CDC14A: variants seen among roughly 807,000 people sequenced by gnomAD.
CDC14A encodes the protein dual specificity protein phosphatase CDC14A.
A neutral mutation model predicts 74.4 loss-of-function variants in CDC14A; 53 were observed. That is an observed-to-expected ratio of 0.71 (90% CI 0.57 to 0.89). CDC14A has a LOEUF of 0.89. Ranked by LOEUF, CDC14A falls within the 40% of genes least tolerant of loss-of-function variation. CDC14A has a pLI of 0.00. For missense variants in CDC14A, 646 were observed against 713.7 expected (o/e 0.91, Z 1.08); for synonymous variants, 247 against 258.4 (o/e 0.96, Z 0.43).
chr1:100,390,899 C>T, intron 4 of CDC14A, 75 bp downstream of exon 4: 1 of 1,034,164 alleles, frequency 9.7e-7, no homozygotes, highest in Non-Finnish European at 1.5e-6. Context: ...AAATCCAAAC[C>T]AGTTTTTCAG....
upstream of CDC14A, among the ~76,000 whole-genome samples, chr1:100,349,641 C>A (rs965531920): frequency 1.3e-5 from 2 of 152,120 alleles, no homozygotes; most frequent in African/African-American, 4.8e-5. Flanking sequence ...TCCTTCCATG[C>A]AATTTTGTTG....
intron 7 of CDC14A, among the ~76,000 whole-genome samples, chr1:100,452,049 C>T (rs1056406782): frequency 1.3e-5 from 2 of 152,188 alleles, no homozygotes; most frequent in Admixed American, 1.3e-4. Flanking sequence ...CTAGAAAACA[C>T]ATCTGTTGAT....
At chr1:100,397,977 C>T (rs1194289890) in intron 4 of CDC14A, among the ~76,000 whole-genome samples, 1 of 152,216 alleles carries the variant, frequency 6.6e-6, no homozygotes, top group Non-Finnish European at 1.5e-5. Context: ...AAGCCATTCT[C>T]CATTTGGCTT....
At position 100,508,037 on chromosome 1, in the gene CDC14A, C is replaced by G. The variant is rs1649392272; in HGVS notation, c.1755+8775C>G. ...ATCTGTCCTCAATATATCTTACCTT[C>G]TGTTTTATATTTTTCAGTTCCTAAG... On this transcript the variant is annotated intron_variant, in intron 15 of 15. Coordinates refer to ENST00000336454, the MANE Select transcript of CDC14A (RefSeq NM_003672.4). The surrounding 1 kb of genome is among the most constrained non-coding windows in gnomAD (Gnocchi z 4.4). Among the ~76,000 whole-genome samples, 1 of 152,158 alleles carries G rather than the reference C, an allele frequency of 6.6e-6. No homozygotes were observed. The highest frequency in any genetic ancestry group is 1.5e-5 in the Non-Finnish European group (1 of 68,018).
At position 100,414,880 on chromosome 1, in the gene CDC14A, T is replaced by G. The variant is rs78438920; in HGVS notation, c.310-9342T>G. On this transcript the variant is annotated intron_variant, in intron 4 of 15. Coordinates refer to ENST00000336454, the MANE Select transcript of CDC14A (RefSeq NM_003672.4). Reference sequence around the variant, plus strand: ...TCCTTTCCCCCATTAACGTGTCCTTTTAGGTTTCTGTGTGTTAAGAACATT... The same window carrying G: ...TCCTTTCCCCCATTAACGTGTCCTTGTAGGTTTCTGTGTGTTAAGAACATT... 7.3e-3 allele frequency among the ~76,000 whole-genome samples: 1,108 copies of G among 152,286 alleles called. 12 individuals are homozygous for G. The highest frequency in any genetic ancestry group is 0.025 in the African/African-American group (1,058 of 41,558).
chr1:100,455,236 T>C (rs1666565164), intron 7 of CDC14A, among the ~76,000 whole-genome samples, 169 bp from the exon 8 acceptor site: 1 of 152,250 alleles, frequency 6.6e-6, no homozygotes, highest in African/African-American at 2.4e-5. Context: ...ATTGAATTCC[T>C]AAATAGCATT....
chr1:100,466,299 T>C lies in CDC14A; in HGVS notation c.839-1657T>C, dbSNP rs115028968. The stretch of plus-strand genomic sequence containing the variant: ...GAAGAACTCTGGAAACTCACTGGGC[T>C]CTGGCTTCTGCTCCAGGATGTCACC... On this transcript the variant is annotated intron_variant, in intron 9 of 15. Transcript: ENST00000336454. Among the ~76,000 whole-genome samples, 640 of 152,286 alleles carry C rather than the reference T, an allele frequency of 4.2e-3. 3 individuals carry two copies. Among genetic ancestry groups the C allele is most frequent in the African/African-American group, 0.014 (583 of 41,564 alleles).
chr1:100,457,529 G>A (rs2101192958), intron 8 of CDC14A, among the ~76,000 whole-genome samples: 1 of 152,128 alleles, frequency 6.6e-6, no homozygotes, highest in East Asian at 1.9e-4. Context: ...TGTGATCATA[G>A]CTCATTGCAA....
chr1:100,397,412 C>T (rs1658663025), intron 4 of CDC14A, among the ~76,000 whole-genome samples: 1 of 152,154 alleles, frequency 6.6e-6, no homozygotes, highest in African/African-American at 2.4e-5. Flanking sequence ...ATGTTTAGAT[C>T]ATTGTAGCAT....
intron 10 of CDC14A, among the ~76,000 whole-genome samples, chr1:100,474,703 T>C (rs1668723537): frequency 1.3e-5 from 2 of 151,624 alleles, no homozygotes; most frequent in African/African-American, 4.9e-5. Context: ...TATTTTTTTT[T>C]CCCTTTGTCA....
At chr1:100,470,304 A>G (rs1191220865) in intron 10 of CDC14A, among the ~76,000 whole-genome samples, 1 of 152,160 alleles carries the variant, frequency 6.6e-6, no homozygotes, top group Non-Finnish European at 1.5e-5. Flanking sequence ...TTCCTCATTC[A>G]GATAAAAATA....
At chr1:100,466,560 G>A (rs1667824662) in intron 9 of CDC14A, among the ~76,000 whole-genome samples, 1 of 152,030 alleles carries the variant, frequency 6.6e-6, no homozygotes, top group Non-Finnish European at 1.5e-5. Context: ...ATGAAACAGA[G>A]TATGAATACT....
Position 100,518,515 on chromosome 1 carries a change from G to A in CDC14A, c.*235G>A. 2.4e-6 allele frequency: 1 copy of A among 424,458 alleles called. No homozygotes were observed. The highest frequency in any genetic ancestry group is 4.2e-6 in the Non-Finnish European group (1 of 235,368). The allele number at this position is 424,458 out of a possible 1,614,324, so 26.3% of individuals were successfully genotyped here. ...GGAGATTTCCATACTTTTAAAGACA[G>A]TTTTAATGTTGAATTTGGTATTTTG... On this transcript the variant is annotated 3_prime_UTR_variant, in exon 16 of 16. Transcript: ENST00000336454.
At chr1:100,381,960 A>T (rs1023262032) in intron 3 of CDC14A, among the ~76,000 whole-genome samples, 5 of 152,164 alleles carry the variant, frequency 3.3e-5, no homozygotes, top group Non-Finnish European at 7.4e-5. Flanking sequence ...AATGTCATCA[A>T]TGATTGATAG....
intron 10 of CDC14A, among the ~76,000 whole-genome samples, chr1:100,478,315 A>G (rs527916032): frequency 9.1e-4 from 138 of 152,096 alleles, no homozygotes; most frequent in African/African-American, 2.9e-3. Flanking sequence ...GGTTGATTCT[A>G]TTTATTGAAC....
intron 10 of CDC14A, among the ~76,000 whole-genome samples, chr1:100,475,655 T>C (rs895149287): frequency 1.3e-5 from 2 of 152,164 alleles, no homozygotes; most frequent in African/African-American, 2.4e-5. Context: ...GAGGGGCTTC[T>C]TGTTGCTGGT....
chr1:100,472,806 C>A (rs1668518979), intron 10 of CDC14A, among the ~76,000 whole-genome samples: 2 of 151,868 alleles, frequency 1.3e-5, no homozygotes, highest in South Asian at 4.2e-4. Flanking sequence ...TGCTTCAGTA[C>A]CATTTTCGTT....
At chr1:100,504,323 C>G (rs1649044813) in intron 15 of CDC14A, among the ~76,000 whole-genome samples, 1 of 152,112 alleles carries the variant, frequency 6.6e-6, no homozygotes, top group South Asian at 2.1e-4. Flanking sequence ...GTGCCATTGT[C>G]TCTTGGAATT....
intron 2 of CDC14A, among the ~76,000 whole-genome samples, chr1:100,371,580 G>C (rs989073385): frequency 6.6e-6 from 1 of 152,078 alleles, no homozygotes; most frequent in Non-Finnish European, 1.5e-5. Context: ...GTTTAATTTT[G>C]TTAATGTGGT....
Sources: gnomAD v4.1 joint callset for allele counts (sites outside exome capture counted in the v4.1 genomes callset) on GRCh38, gnomAD v4.1.1 for gene constraint, Gnocchi (gnomAD v3.1) non-coding constraint, MANE v1.5 for transcripts, NCBI Gene and HGNC (gene_info 2026-07-23, HGNC 2026-07-21) for gene names.